COL25A1: variants seen among roughly 807,000 people sequenced by gnomAD.
COL25A1 encodes the protein collagen alpha-1(XXV) chain.
In COL25A1, 103 loss-of-function variants were observed where a neutral mutation model predicts 128.4. That is an observed-to-expected ratio of 0.80 (90% CI 0.68 to 0.94). The LOEUF is 0.94. COL25A1 is among the 40% of genes least tolerant of loss of function. The pLI is 0.00. For missense variants in COL25A1, 745 were observed against 840.0 expected (o/e 0.89, Z 1.40); for synonymous variants, 279 against 277.2 (o/e 1.01, Z -0.06).
intron 6 of COL25A1, among the ~76,000 whole-genome samples, chr4:108,975,908 T>C (rs992554901): frequency 1.3e-5 from 2 of 152,132 alleles, no homozygotes; most frequent in African/African-American, 4.8e-5. Context: ...ATTGTACATA[T>C]GTATGTAGGT....
At chr4:108,893,421 A>T (rs1179312617) in intron 16 of COL25A1, among the ~76,000 whole-genome samples, 1 of 152,204 alleles carries the variant, frequency 6.6e-6, no homozygotes, top group African/African-American at 2.4e-5. Flanking sequence ...ATCCTTCAAT[A>T]GTAACTCTAC....
intron 19 of COL25A1, among the ~76,000 whole-genome samples, chr4:108,882,786 T>C (rs749791078): frequency 3.3e-5 from 5 of 152,196 alleles, no homozygotes; most frequent in Admixed American, 6.5e-5. Context: ...TCTGAACTTT[T>C]ATGATACTAA....
chr4:108,950,706 T>G (rs953375261), intron 8 of COL25A1, among the ~76,000 whole-genome samples: 11 of 152,184 alleles, frequency 7.2e-5, no homozygotes, highest in African/African-American at 2.7e-4. Context: ...TAAGGATTCC[T>G]GTGGGAGGTC....
chr4:108,991,795 A>G (rs1305005812), intron 6 of COL25A1, among the ~76,000 whole-genome samples: 1 of 152,214 alleles, frequency 6.6e-6, no homozygotes, highest in Non-Finnish European at 1.5e-5. Context: ...CACATGAAAT[A>G]TGGGAATTTC....
chr4:109,189,879 C>T (rs910160462), intron 3 of COL25A1, among the ~76,000 whole-genome samples: 8 of 151,986 alleles, frequency 5.3e-5, no homozygotes, highest in African/African-American at 1.7e-4. Flanking sequence ...TTAAGTTTAA[C>T]GACTTTTACT....
intron 26 of COL25A1, among the ~76,000 whole-genome samples, chr4:108,851,013 G>A (rs74433941): frequency 0.059 from 8,951 of 152,004 alleles, 288 homozygotes; most frequent in East Asian, 0.093. Flanking sequence ...GACAATTTTG[G>A]TTCTGGAGTC....
At chr4:109,295,949 G>GTGTTACAT (rs1578664279) in intron 3 of COL25A1, among the ~76,000 whole-genome samples, 1 of 151,842 alleles carries the variant, frequency 6.6e-6, no homozygotes, top group East Asian at 1.9e-4. Flanking sequence ...ATGACTAGCT[G>GTGTTACAT]TGTTACATTG....
intron 5 of COL25A1, among the ~76,000 whole-genome samples, chr4:109,037,993 G>A (rs1759519556): frequency 2.0e-5 from 3 of 152,148 alleles, no homozygotes; most frequent in African/African-American, 7.2e-5. Flanking sequence ...AAAAGAAGGA[G>A]GAAGGAATTA....
intron 8 of COL25A1, among the ~76,000 whole-genome samples, chr4:108,967,026 G>A (rs1751389065): frequency 6.6e-6 from 1 of 152,096 alleles, no homozygotes; most frequent in Non-Finnish European, 1.5e-5. Flanking sequence ...TTACTTTACA[G>A]GATAAATGAG....
At chr4:109,107,538 CATT>C (rs1766561558) in intron 3 of COL25A1, among the ~76,000 whole-genome samples, 1 of 151,844 alleles carries the variant, frequency 6.6e-6, no homozygotes, top group Non-Finnish European at 1.5e-5. Context: ...TTTTTTTCAT[CATT>C]GACAAGTGAA....
At chr4:109,096,906 T>C (rs1210915514) in intron 3 of COL25A1, among the ~76,000 whole-genome samples, 1 of 152,166 alleles carries the variant, frequency 6.6e-6, no homozygotes, top group African/African-American at 2.4e-5. Context: ...TCATGATTCA[T>C]TAATCGGGGC....
intron 3 of COL25A1, among the ~76,000 whole-genome samples, chr4:109,242,510 A>C (rs1001215508): frequency 4.6e-5 from 7 of 152,068 alleles, no homozygotes; most frequent in Non-Finnish European, 7.4e-5. Flanking sequence ...CTTAAGATGG[A>C]GCTTGAACTG....
At chr4:109,130,211 A>G (rs181124242) in intron 3 of COL25A1, among the ~76,000 whole-genome samples, 1 of 152,264 alleles carries the variant, frequency 6.6e-6, no homozygotes, top group East Asian at 1.9e-4. Flanking sequence ...ATTAAAGTCA[A>G]ATCAACAGAA....
chr4:109,186,805 T>A (rs900562279), intron 3 of COL25A1, among the ~76,000 whole-genome samples: 1 of 152,224 alleles, frequency 6.6e-6, no homozygotes, highest in Non-Finnish European at 1.5e-5. Context: ...TCCCAGGAGT[T>A]CATTTGATTA....
Position 108,825,112 on chromosome 4 carries a change from A to AAAG in COL25A1, c.1791+81_1791+83dup, listed in dbSNP as rs928083797. On this transcript the variant is annotated intron_variant, in intron 34 of 37. Coordinates refer to ENST00000399132, the MANE Select transcript of COL25A1 (RefSeq NM_198721.4). ...ATGCATACCTATATGCACAGAAAAA[A>AAAG]AAGAAGTATTCTTTTTGTTATCGAT... 17 of 1,144,204 alleles carry AAAG rather than the reference A, an allele frequency of 1.5e-5. No homozygotes were observed. In the Admixed American group the frequency reaches 1.6e-4, roughly 11 times the overall value. The allele number at this position is 1,144,204 out of a possible 1,614,324, so 70.9% of individuals were successfully genotyped here.
At chr4:109,054,349 C>G (rs1170495490) in intron 3 of COL25A1, among the ~76,000 whole-genome samples, 1 of 152,148 alleles carries the variant, frequency 6.6e-6, no homozygotes, top group Non-Finnish European at 1.5e-5. Flanking sequence ...TTTTAATCTG[C>G]TATCTGGTAA....
At chr4:108,997,152 C>T (rs865930443) in intron 6 of COL25A1, among the ~76,000 whole-genome samples, 15 of 152,024 alleles carry the variant, frequency 9.9e-5, no homozygotes, top group South Asian at 4.1e-4. Context: ...GAGATAGAGA[C>T]ACAAAAAACC....
chr4:108,987,475 A>T (rs1408629496), intron 6 of COL25A1, among the ~76,000 whole-genome samples: 1 of 151,696 alleles, frequency 6.6e-6, no homozygotes, highest in African/African-American at 2.4e-5. Context: ...TCCCGGGTTC[A>T]GGCAATTCTC....
intron 8 of COL25A1, among the ~76,000 whole-genome samples, chr4:108,964,529 A>G (rs1207980375): frequency 2.0e-5 from 3 of 152,120 alleles, no homozygotes; most frequent in African/African-American, 4.8e-5. Flanking sequence ...GTGACATAAT[A>G]TAGGTAGAGC....
Sources: gnomAD v4.1 joint callset for allele counts (sites outside exome capture counted in the v4.1 genomes callset) on GRCh38, gnomAD v4.1.1 for gene constraint, MANE v1.5 for transcripts, NCBI Gene and HGNC (gene_info 2026-07-23, HGNC 2026-07-21) for gene names.